NDUFC2: variants seen among roughly 807,000 people sequenced by gnomAD.
The protein encoded by NDUFC2 is NADH dehydrogenase [ubiquinone] 1 subunit C2.
Under a neutral mutation model 10.1 loss-of-function variants are expected in NDUFC2, and 2 were observed. The observed-to-expected ratio is 0.20, with a 90% CI of 0.08 to 0.62. The LOEUF is 0.62. NDUFC2 is among the 20% of genes least tolerant of loss of function. The pLI is 0.87. For missense variants in NDUFC2, 156 were observed against 159.6 expected, an observed-to-expected ratio of 0.98 and a Z score of 0.12; for synonymous variants, 61 against 63.6, an observed-to-expected ratio of 0.96 and a Z score of 0.20.
intron 2 of NDUFC2, among the ~76,000 whole-genome samples, chr11:78,071,834 G>A (rs918326871): frequency 1.3e-5 from 2 of 152,272 alleles, no homozygotes; most frequent in East Asian, 3.9e-4. Flanking sequence ...GCAGGAAGAA[G>A]GTACAACATG....
Position 78,072,980 on chromosome 11 carries a change from A to AGG in NDUFC2, c.310+17_310+18insCC, listed in dbSNP as rs1215199971. 6.2e-7 allele frequency: 1 copy of AGG among 1,607,154 alleles called. No individual in the cohort carries two copies. The highest frequency in any genetic ancestry group is 1.7e-5 in the Admixed American group (1 of 57,642). ...ATAATACAGTAAACACAGATTATCT[A>AGG]AAATTAACTTGAAATACCTTCTTCA... On this transcript the variant is annotated intron_variant, in intron 2 of 2. Coordinates refer to ENST00000281031, the MANE Select transcript of NDUFC2 (RefSeq NM_004549.6).
At chr11:78,070,637 T>C (rs1342550028) in intron 2 of NDUFC2, among the ~76,000 whole-genome samples, 2 of 152,302 alleles carry the variant, frequency 1.3e-5, no homozygotes, top group Non-Finnish European at 1.5e-5. Context: ...AGAATAACTT[T>C]GGAGGAATCT....
chr11:78,071,989 G>A (rs903503333), intron 2 of NDUFC2, among the ~76,000 whole-genome samples: 3 of 152,226 alleles, frequency 2.0e-5, no homozygotes, highest in Middle Eastern at 6.8e-3. Context: ...TATACAAGAG[G>A]CTGGGGAAAC....
In NDUFC2 at chr11:78,072,852, T is replaced by C. The variant is rs912228516; in HGVS notation, c.310+146A>G. On this transcript the variant is annotated intron_variant, in intron 2 of 2. Transcript: ENST00000281031. ...CGGAGGTAGTCAGAAACTGGATATA[T>C]TAATTCAAGAGAATTTTGGTCTATA... 4 of 1,169,480 alleles carry C rather than the reference T, an allele frequency of 3.4e-6. No individual in the cohort carries two copies. The African/African-American group carries it at 6.3e-5, about 18-fold the overall frequency. The allele number at this position is 1,169,480 out of a possible 1,614,324, so 72.4% of individuals were successfully genotyped here. A position where few individuals can be genotyped will look rare whatever the true frequency, so the allele number is the denominator to read the frequency against.
chr11:78,071,772 A>G (rs1371050792), intron 2 of NDUFC2, among the ~76,000 whole-genome samples: 2 of 152,206 alleles, frequency 1.3e-5, no homozygotes, highest in East Asian at 3.8e-4. Context: ...ATAAAAGCAG[A>G]AATTTGCTAG....
At chr11:78,070,124 T>C (rs755402048) in intron 2 of NDUFC2, 88 bp from the exon 3 acceptor site, 1 of 952,612 alleles carries the variant, frequency 1.0e-6, no homozygotes, top group Non-Finnish European at 1.6e-6. Flanking sequence ...CTCACTAATC[T>C]TATGATTGAA....
chr11:78,074,528 G>A (rs1344201284), intron 1 of NDUFC2, among the ~76,000 whole-genome samples: 4 of 151,728 alleles, frequency 2.6e-5, no homozygotes, highest in East Asian at 1.9e-4. Context: ...CTGGAGAATC[G>A]CTTGAAGCCA....
At chr11:78,079,453 G>A (rs988947252) in intron 1 of NDUFC2, 126 bp downstream of exon 1, 15 of 1,354,130 alleles carry the variant, frequency 1.1e-5, no homozygotes, top group Middle Eastern at 2.7e-4. Flanking sequence ...CCGGAAAGGC[G>A]AGATGGGGCC....
chr11:78,073,573 G>A (rs1254561857), intron 1 of NDUFC2, among the ~76,000 whole-genome samples: 2 of 150,510 alleles, frequency 1.3e-5, no homozygotes, highest in Non-Finnish European at 3.0e-5. Context: ...TTGGGAGGCT[G>A]AGGCAGGTGG....
chr11:78,073,780 G>A (rs1316286210), intron 1 of NDUFC2, among the ~76,000 whole-genome samples: 2 of 146,846 alleles, frequency 1.4e-5, no homozygotes, highest in African/African-American at 2.6e-5. Context: ...CCAGCCTGGG[G>A]GACGGAGTGA....
In NDUFC2 at chr11:78,073,026, TTTC is replaced by T; in HGVS notation, c.279_281del (p.Met93_Lys94delinsIle). ...CTTCAGGAAAATCCTCTGGATGTAA[TTTC>T]ATATATCCAAACATTTCACGGTCCC... On this transcript the variant is annotated inframe_deletion, in exon 2 of 3. Coordinates refer to ENST00000281031, the MANE Select transcript of NDUFC2 (RefSeq NM_004549.6). 1.2e-6 allele frequency: 2 copies of T among 1,613,642 alleles called. No individual in the cohort carries two copies. Among genetic ancestry groups the T allele is most frequent in the Non-Finnish European group, 1.7e-6 (2 of 1,179,944 alleles).
chr11:78,073,276 G>A, intron 1 of NDUFC2, 135 bp from the exon 2 acceptor site: 1 of 1,338,242 alleles, frequency 7.5e-7, no homozygotes, highest in Non-Finnish European at 1.0e-6. Flanking sequence ...TGGATCACCT[G>A]AGGTCAGGAG....
Position 78,069,859 on chromosome 11 carries a change from G to A in NDUFC2, c.*128C>T. The A allele has an allele frequency of 1.9e-6, 3 of 1,587,778 alleles. No homozygotes were observed. Among genetic ancestry groups the A allele is most frequent in the Non-Finnish European group, 2.6e-6 (3 of 1,161,480 alleles). On this transcript the variant is annotated 3_prime_UTR_variant, in exon 3 of 3. Transcript: ENST00000281031. ...AACAATAAAGAGTCAGAGTACTCAT[G>A]GTACGTATTTTAATTACAAGGTGTC...
chr11:78,071,059 G>C (rs1858981255), intron 2 of NDUFC2, among the ~76,000 whole-genome samples: 1 of 152,058 alleles, frequency 6.6e-6, no homozygotes, highest in Non-Finnish European at 1.5e-5. Context: ...TCATGGCTTT[G>C]TGCTAGTCTT....
At chr11:78,079,364 A>G (rs1419681579) in intron 1 of NDUFC2, among the ~76,000 whole-genome samples, 3 of 152,116 alleles carry the variant, frequency 2.0e-5, no homozygotes, top group Non-Finnish European at 4.4e-5. Context: ...TTCCTGCTTC[A>G]CTGCACCTCA....
chr11:78,070,743 G>C (rs947375635), intron 2 of NDUFC2, among the ~76,000 whole-genome samples: 14 of 152,230 alleles, frequency 9.2e-5, no homozygotes, highest in African/African-American at 3.4e-4. Flanking sequence ...GAGGGGCACA[G>C]GTCAGCTAGG....
intron 1 of NDUFC2, among the ~76,000 whole-genome samples, chr11:78,074,612 CA>C (rs561855044): frequency 8.0e-5 from 10 of 124,966 alleles, no homozygotes; most frequent in Non-Finnish European, 1.0e-4. Context: ...GACTCTGTCT[CA>C]AAAAAAAAAA....
chr11:78,071,034 C>T (rs759297849), intron 2 of NDUFC2, among the ~76,000 whole-genome samples: 4 of 152,104 alleles, frequency 2.6e-5, no homozygotes, highest in Admixed American at 1.3e-4. Context: ...TATGCATTCC[C>T]GATACATCCA....
At chr11:78,071,860 G>A (rs1182903025) in intron 2 of NDUFC2, among the ~76,000 whole-genome samples, 6 of 152,126 alleles carry the variant, frequency 3.9e-5, no homozygotes, top group African/African-American at 1.4e-4. Flanking sequence ...AGTAATATAG[G>A]GCAGGTTCGG....
Sources: allele counts gnomAD v4.1 joint callset (sites outside exome capture counted in the v4.1 genomes callset), GRCh38; gene constraint gnomAD v4.1.1; transcripts MANE v1.5; gene names NCBI Gene and HGNC (gene_info 2026-07-23, HGNC 2026-07-21).